PMEPA1: variants seen among roughly 807,000 people sequenced by gnomAD.
The protein encoded by PMEPA1 is prostate transmembrane protein, androgen induced 1.
PMEPA1 carries 11 observed loss-of-function variants against 23.0 expected under a neutral mutation model. That is an observed-to-expected ratio of 0.48 (90% CI 0.30 to 0.79). PMEPA1 has a LOEUF of 0.79. Among genes scored for constraint, PMEPA1 ranks in the 30% least tolerant of loss-of-function variants. PMEPA1 has a pLI of 0.06. For missense variants in PMEPA1, 377 were observed against 390.9 expected, an observed-to-expected ratio of 0.96 and a Z score of 0.30; for synonymous variants, 204 against 166.4, an observed-to-expected ratio of 1.23 and a Z score of -1.74.
chr20:57,705,555 A>G (rs2072070643), intron 1 of PMEPA1, among the ~76,000 whole-genome samples: 1 of 152,340 alleles, frequency 6.6e-6, no homozygotes, highest in Non-Finnish European at 1.5e-5. Context: ...GGAAAACTTC[A>G]TCTCAAGAGG....
intron 1 of PMEPA1, 131 bp downstream of exon 1, chr20:57,709,343 G>T: frequency 1.8e-6 from 1 of 544,866 alleles, no homozygotes; most frequent in Non-Finnish European, 2.4e-6. Flanking sequence ...GGGGCGCGGC[G>T]GGCGCTGCCC....
At chr20:57,664,254 CT>C (rs2071462214) in intron 1 of PMEPA1, among the ~76,000 whole-genome samples, 2 of 152,208 alleles carry the variant, frequency 1.3e-5, no homozygotes, top group South Asian at 4.1e-4. Context: ...CAGCCACGCC[CT>C]GACACTGTCG....
Position 57,700,552 on chromosome 20 carries a change from G to C in PMEPA1, c.109+8922C>G, listed in dbSNP as rs1020889846. 5.3e-5 allele frequency among the ~76,000 whole-genome samples: 8 copies of C among 152,206 alleles called. No homozygotes were observed. In the South Asian group the frequency reaches 1.0e-3, roughly 20 times the overall value. On this transcript the variant is annotated intron_variant, in intron 1 of 3. Transcript: ENST00000341744. The stretch of plus-strand genomic sequence containing the variant: ...TAGCACCACTGCTAAGGAGGATTGC[G>C]AGGTGTTTCTTGCTGATGGTGAAGA...
chr20:57,688,672 T>C (rs2071834472), intron 1 of PMEPA1, among the ~76,000 whole-genome samples: 1 of 152,142 alleles, frequency 6.6e-6, no homozygotes. Context: ...TCACGGCAAA[T>C]GCTCACATTC....
chr20:57,687,440 T>C (rs2071816263), intron 1 of PMEPA1, among the ~76,000 whole-genome samples: 1 of 152,170 alleles, frequency 6.6e-6, no homozygotes, highest in Admixed American at 6.5e-5. Context: ...TTTTTGCATG[T>C]GTGACTTCCC....
At position 57,709,937 on chromosome 20, in the gene PMEPA1, G is replaced by GCCGCCT; in HGVS notation, c.-356_-355insAGGCGG. Reference sequence around the variant, plus strand: ...CGCCTCCGCCGCCGCCGCCGCCGCCGCCTCCTCCTCCTCATTCAAGTCCAA... The same window carrying GCCGCCT: ...CGCCTCCGCCGCCGCCGCCGCCGCCGCCGCCTCCTCCTCCTCCTCATTCAAGTCCAA... On this transcript the variant is annotated 5_prime_UTR_variant, in exon 1 of 4. Coordinates refer to ENST00000341744, the MANE Select transcript of PMEPA1 (RefSeq NM_020182.5). 1 of 1,009,862 alleles carries GCCGCCT rather than the reference G, an allele frequency of 9.9e-7. No homozygotes were observed. The highest frequency in any genetic ancestry group is 1.2e-6 in the Non-Finnish European group (1 of 848,772). 62.6% of individuals were successfully genotyped at this position (1,009,862 alleles called of 1,614,324 possible).
chr20:57,702,745 C>T (rs181108009), intron 1 of PMEPA1, among the ~76,000 whole-genome samples: 6 of 152,312 alleles, frequency 3.9e-5, no homozygotes, highest in Non-Finnish European at 7.3e-5. Context: ...TTTTTGTATC[C>T]GCAGATTGGT....
intron 1 of PMEPA1, among the ~76,000 whole-genome samples, chr20:57,667,544 G>A (rs1295664099): frequency 1.3e-5 from 2 of 152,044 alleles, no homozygotes; most frequent in Non-Finnish European, 2.9e-5. Context: ...CAGACCAGAC[G>A]ACCCCCCTCC....
At chr20:57,707,533 G>A (rs148492576) in intron 1 of PMEPA1, among the ~76,000 whole-genome samples, 2,433 of 152,274 alleles carry the variant, frequency 0.016, 43 homozygotes, top group South Asian at 0.066. Flanking sequence ...TGCTGGCGGC[G>A]GCGGGGCAAA....
chr20:57,684,028 C>T (rs3795100), intron 1 of PMEPA1, among the ~76,000 whole-genome samples: 1 of 152,196 alleles, frequency 6.6e-6, no homozygotes, highest in East Asian at 1.9e-4. Context: ...ACCCCCGGCT[C>T]CGCAACACCG....
rs2071188551 is a variant in PMEPA1, at chr20:57,649,190, C to G, written c.*2863G>C. The G allele has an allele frequency of 6.6e-6, 1 of 152,240 alleles. No homozygotes were observed. Among genetic ancestry groups the G allele is most frequent in the Admixed American group, 6.5e-5 (1 of 15,276 alleles). The allele number at this position is 152,240 out of a possible 1,614,324, so 9.4% of individuals were successfully genotyped here. On this transcript the variant is annotated 3_prime_UTR_variant, in exon 4 of 4. Transcript: ENST00000341744. Reference sequence around the variant, plus strand: ...TCCAATCAGCCACTTCTGAGAACCCCCATCTAACTTCCTACTGGAAAAGAG... The same window carrying G: ...TCCAATCAGCCACTTCTGAGAACCCGCATCTAACTTCCTACTGGAAAAGAG...
intron 1 of PMEPA1, among the ~76,000 whole-genome samples, chr20:57,693,287 A>G (rs910806066): frequency 1.3e-5 from 2 of 152,236 alleles, no homozygotes; most frequent in African/African-American, 4.8e-5. Flanking sequence ...CAGAGTGCCA[A>G]GTGCCCTCCC....
chr20:57,649,843 G>A lies in PMEPA1; in HGVS notation c.*2210C>T, dbSNP rs189059679. 4.9e-3 allele frequency: 747 copies of A among 152,704 alleles called. 3 individuals carry two copies. Among genetic ancestry groups the A allele is most frequent in the Middle Eastern group, 0.01 (3 of 296 alleles). The allele number at this position is 152,704 out of a possible 1,614,324, so 9.5% of individuals were successfully genotyped here. ...GTCCCAGGTGAGTGAGGCACTGTCCGGGAACGTCCTCACCGAGCGACGGGA... is the reference window on the plus strand; with the variant it reads ...GTCCCAGGTGAGTGAGGCACTGTCCAGGAACGTCCTCACCGAGCGACGGGA... On this transcript the variant is annotated 3_prime_UTR_variant, in exon 4 of 4. Transcript: ENST00000341744.
chr20:57,709,730 AG>A lies in PMEPA1; in HGVS notation c.-149del. The A allele has an allele frequency of 5.1e-6, 5 of 977,856 alleles. No homozygotes were observed. The highest frequency in any genetic ancestry group is 6.0e-6 in the Non-Finnish European group (5 of 826,932). The allele number at this position is 977,856 out of a possible 1,614,324, so 60.6% of individuals were successfully genotyped here. On this transcript the variant is annotated 5_prime_UTR_variant, in exon 1 of 4. Transcript: ENST00000341744. The stretch of plus-strand genomic sequence containing the variant: ...GCTCGCCGGGCTCGGGTCGCCGCCA[AG>A]TTCCCGGGGCGCCGCGGGGCTCAGT...
intron 1 of PMEPA1, among the ~76,000 whole-genome samples, chr20:57,702,124 A>G (rs2072019567): frequency 6.6e-6 from 1 of 152,164 alleles, no homozygotes; most frequent in Non-Finnish European, 1.5e-5. Flanking sequence ...CTACAAGGGC[A>G]GCAGCTCGTA....
chr20:57,710,293 C>A, upstream of PMEPA1: 1 of 721,758 alleles, frequency 1.4e-6, no homozygotes, highest in Non-Finnish European at 2.1e-6. Context: ...GAACTCGGTG[C>A]CAGCCGCACC....
intron 1 of PMEPA1, among the ~76,000 whole-genome samples, chr20:57,664,761 A>C (rs1426447475): frequency 6.6e-6 from 1 of 152,222 alleles, no homozygotes; most frequent in Non-Finnish European, 1.5e-5. Context: ...GCCGGCTGTG[A>C]AGCTGTGGTC....
intron 1 of PMEPA1, among the ~76,000 whole-genome samples, chr20:57,676,857 T>G (rs995448675): frequency 1.3e-5 from 2 of 152,204 alleles, no homozygotes; most frequent in Non-Finnish European, 2.9e-5. Context: ...CTTGTCTCCC[T>G]ACTTCCTCTC....
intron 1 of PMEPA1, among the ~76,000 whole-genome samples, chr20:57,679,489 G>T (rs1179552916): frequency 1.3e-5 from 2 of 152,210 alleles, no homozygotes; most frequent in East Asian, 3.8e-4. Context: ...ACCTGCTGGG[G>T]AAGCTCCTTT....
Sources: allele counts gnomAD v4.1 joint callset (sites outside exome capture counted in the v4.1 genomes callset), GRCh38; gene constraint gnomAD v4.1.1; transcripts MANE v1.5; gene names NCBI Gene and HGNC (gene_info 2026-07-23, HGNC 2026-07-21).